CDH8: variants seen among roughly 807,000 people sequenced by gnomAD.
CDH8 encodes the protein cadherin-8.
In CDH8, 17 loss-of-function variants were observed where a neutral mutation model predicts 68.1. That is an observed-to-expected ratio of 0.25 (90% CI 0.17 to 0.37). The LOEUF (loss-of-function observed/expected upper bound fraction) is 0.37, where lower values mean the gene tolerates loss of function less well. CDH8 is among the 10% of genes least tolerant of loss of function. The probability of loss-of-function intolerance (pLI) is 1.00; values close to 1 mark genes in which losing one functional copy is unlikely to be tolerated. For missense variants in CDH8, 763 were observed against 999.3 expected, an observed-to-expected ratio of 0.76 and a Z score of 3.19; for synonymous variants, 372 against 365.1, an observed-to-expected ratio of 1.02 and a Z score of -0.21.
chr16:61,880,499 T>C (rs1288815570), intron 3 of CDH8, among the ~76,000 whole-genome samples: 3 of 152,202 alleles, frequency 2.0e-5, no homozygotes, highest in Non-Finnish European at 4.4e-5. Flanking sequence ...AAGCTGGAAC[T>C]TGTCATGATC....
At position 61,663,725 on chromosome 16, in the gene CDH8, A is replaced by G. The variant is rs149947393; in HGVS notation, c.1655-8004T>C. Among the ~76,000 whole-genome samples, 902 of 152,176 alleles carry G rather than the reference A, an allele frequency of 5.9e-3. 13 individuals carry two copies. The highest frequency in any genetic ancestry group is 0.021 in the African/African-American group (865 of 41,552). ...GCAATGAATATCTATCTGTCTGTCT[A>G]CATACCTAACTACCTATCTATCCAT... On this transcript the variant is annotated intron_variant, in intron 10 of 11. Transcript: ENST00000577390.
intron 2 of CDH8, among the ~76,000 whole-genome samples, chr16:61,902,174 G>T (rs181936711): frequency 2.6e-5 from 4 of 152,216 alleles, no homozygotes; most frequent in Admixed American, 6.5e-5. Flanking sequence ...CAGAATTTAG[G>T]AGTACATTTT....
intron 2 of CDH8, among the ~76,000 whole-genome samples, chr16:61,988,766 T>A (rs1965668884): frequency 6.6e-6 from 1 of 152,190 alleles, no homozygotes. Flanking sequence ...AATAAGTGAA[T>A]CCTTTGAGAC....
At chr16:61,684,594 A>G (rs16963818) in intron 10 of CDH8, among the ~76,000 whole-genome samples, 8,844 of 152,034 alleles carry the variant, frequency 0.058, 885 homozygotes, top group African/African-American at 0.2. Flanking sequence ...CCTAACACCA[A>G]CTAGACACAT....
intron 10 of CDH8, among the ~76,000 whole-genome samples, chr16:61,676,145 C>CAAAA (rs60364173): frequency 7.6e-6 from 1 of 131,126 alleles, no homozygotes; most frequent in Non-Finnish European, 1.6e-5. Flanking sequence ...CACACACACT[C>CAAAA]AAAAAAAAAA....
rs138029663 is a variant in CDH8, at chr16:61,970,982, G to A, written c.252+50170C>T. ...TGTAATCTCCCCCACCCTTAAGAAGGTACTTTGTAATCTCCCCCATCCTTA... is the reference window on the plus strand; with the variant it reads ...TGTAATCTCCCCCACCCTTAAGAAGATACTTTGTAATCTCCCCCATCCTTA... On this transcript the variant is annotated intron_variant, in intron 2 of 11. Transcript: ENST00000577390. Among the ~76,000 whole-genome samples, 818 of 152,034 alleles carry A rather than the reference G, an allele frequency of 5.4e-3. 7 individuals are homozygous for A. The highest frequency in any genetic ancestry group is 0.019 in the African/African-American group (777 of 41,448).
chr16:61,937,699 G>A (rs1964649496), intron 2 of CDH8, among the ~76,000 whole-genome samples: 2 of 152,212 alleles, frequency 1.3e-5, no homozygotes, highest in South Asian at 4.1e-4. Flanking sequence ...ATCTATAAAG[G>A]ATCTTGGATA....
intron 2 of CDH8, among the ~76,000 whole-genome samples, chr16:61,952,739 C>T (rs756576396): frequency 7.9e-5 from 12 of 152,182 alleles, no homozygotes; most frequent in Non-Finnish European, 1.3e-4. Context: ...GGAATGTTAT[C>T]TCCTATGGGC....
intron 2 of CDH8, among the ~76,000 whole-genome samples, chr16:62,010,928 AGCG>A (rs1901794064): frequency 6.8e-6 from 1 of 146,374 alleles, no homozygotes; most frequent in Non-Finnish European, 1.5e-5. Flanking sequence ...GGGCAACAAG[AGCG>A]AAACTCCATT....
intron 7 of CDH8, among the ~76,000 whole-genome samples, chr16:61,795,609 G>T (rs1961478701): frequency 6.6e-6 from 1 of 152,084 alleles, no homozygotes; most frequent in Non-Finnish European, 1.5e-5. Flanking sequence ...TCCTCAATCT[G>T]TAAGAGTTCT....
chr16:61,965,657 A>G lies in CDH8; in HGVS notation c.252+55495T>C, dbSNP rs75257250. On this transcript the variant is annotated intron_variant, in intron 2 of 11. Coordinates refer to ENST00000577390, the MANE Select transcript of CDH8 (RefSeq NM_001796.5). Reference sequence around the variant, plus strand: ...TGATTCTAAATAAATGAAAGAACAAAAGCAAGGACTAGAAGAAACATATAC... The same window carrying G: ...TGATTCTAAATAAATGAAAGAACAAGAGCAAGGACTAGAAGAAACATATAC... 7.6e-3 allele frequency among the ~76,000 whole-genome samples: 1,159 copies of G among 152,196 alleles called. 11 individuals are homozygous for G. Among genetic ancestry groups the G allele is most frequent in the African/African-American group, 0.026 (1,094 of 41,572 alleles).
chr16:61,726,811 CCTG>C (rs1299324048), intron 9 of CDH8: 1 of 447,158 alleles, frequency 2.2e-6, no homozygotes, highest in East Asian at 3.3e-5. Context: ...TAAGACATCT[CCTG>C]CTATCATCCA....
intron 3 of CDH8, among the ~76,000 whole-genome samples, chr16:61,878,236 A>G (rs920509360): frequency 2.6e-5 from 4 of 152,238 alleles, no homozygotes; most frequent in Non-Finnish European, 5.9e-5. Flanking sequence ...TAGAAGAAGT[A>G]CTTTGGATTT....
chr16:61,788,515 C>G (rs902053877), intron 8 of CDH8, among the ~76,000 whole-genome samples: 1 of 151,996 alleles, frequency 6.6e-6, no homozygotes, highest in African/African-American at 2.4e-5. Context: ...TAATAAGCAA[C>G]ATGTTTTTTG....
intron 2 of CDH8, among the ~76,000 whole-genome samples, chr16:62,018,267 T>C (rs1901990466): frequency 6.6e-6 from 1 of 152,132 alleles, no homozygotes; most frequent in Non-Finnish European, 1.5e-5. Flanking sequence ...TGTAAGGTTA[T>C]ATGTGAAGCT....
At chr16:61,827,911 C>T (rs1035679970) in intron 4 of CDH8, among the ~76,000 whole-genome samples, 9 of 151,858 alleles carry the variant, frequency 5.9e-5, no homozygotes, top group South Asian at 2.1e-4. Context: ...CACAAACAGT[C>T]GATTAACATA....
At chr16:61,824,587 G>C (rs1486024348) in intron 5 of CDH8, among the ~76,000 whole-genome samples, 1 of 151,828 alleles carries the variant, frequency 6.6e-6, no homozygotes, top group African/African-American at 2.4e-5. Context: ...CAGGAAGAAG[G>C]AGTGTAAATT....
chr16:61,790,058 T>C (rs1961343378), intron 7 of CDH8, among the ~76,000 whole-genome samples: 1 of 152,100 alleles, frequency 6.6e-6, no homozygotes, highest in African/African-American at 2.4e-5. Context: ...TAGTTGTTGA[T>C]TTTATGGTTG....
rs1365381716 is a variant in CDH8, at chr16:61,702,552, T to TAC, written c.1654+11288_1654+11289insGT. On this transcript the variant is annotated intron_variant, in intron 10 of 11. Coordinates refer to ENST00000577390, the MANE Select transcript of CDH8 (RefSeq NM_001796.5). Reference sequence around the variant, plus strand: ...AGTCGGTACAATTATCATGTTGTGATCTAGACCTGTAATACCTGAAATAGA... The same window carrying TAC: ...AGTCGGTACAATTATCATGTTGTGATACCTAGACCTGTAATACCTGAAATAGA... 3.6e-4 allele frequency among the ~76,000 whole-genome samples: 55 copies of TAC among 152,328 alleles called. No individual in the cohort carries two copies. The East Asian group carries it at 9.8e-3, about 27-fold the overall frequency.
Sources: allele counts gnomAD v4.1 joint callset (sites outside exome capture counted in the v4.1 genomes callset), GRCh38; gene constraint gnomAD v4.1.1; transcripts MANE v1.5; gene names NCBI Gene and HGNC (gene_info 2026-07-23, HGNC 2026-07-21).